Variants in DDX31 observed in about 807,000 individuals in gnomAD.
DDX31 encodes the protein DEAD-box helicase 31.
A neutral mutation model predicts 91.3 loss-of-function variants in DDX31; 70 were observed. That is an observed-to-expected ratio of 0.77 (90% confidence interval 0.63 to 0.94). The LOEUF is 0.94. DDX31 is among the 40% of genes least tolerant of loss of function. DDX31 has a pLI of 0.00. For synonymous variants in DDX31, 362 were observed against 350.6 expected (o/e 1.03, Z -0.36); for missense variants, 902 against 925.0 (o/e 0.98, Z 0.32).
At chr9:132,628,140 A>G (rs1832508387) in intron 16 of DDX31, among the ~76,000 whole-genome samples, 1 of 152,266 alleles carries the variant, frequency 6.6e-6, no homozygotes, top group Non-Finnish European at 1.5e-5. Context: ...CTGCAACGTA[A>G]TAACCCAGAT....
intron 17 of DDX31, among the ~76,000 whole-genome samples, chr9:132,624,007 A>T (rs1832223382): frequency 6.6e-6 from 1 of 151,968 alleles, no homozygotes; most frequent in Non-Finnish European, 1.5e-5. Flanking sequence ...TCTACTAAAA[A>T]TACGAAAAAA....
At chr9:132,616,020 G>A (rs879575842) in intron 18 of DDX31, among the ~76,000 whole-genome samples, 5 of 152,238 alleles carry the variant, frequency 3.3e-5, no homozygotes, top group Non-Finnish European at 5.9e-5. Context: ...TATGCAGATT[G>A]AAATGCAAAA....
chr9:132,630,381 G>A lies in DDX31; in HGVS notation c.1514C>T (p.Ala505Val), dbSNP rs777172373. 6.2e-7 allele frequency: 1 copy of A among 1,601,294 alleles called. No homozygotes were observed. Among genetic ancestry groups the A allele is most frequent in the Admixed American group, 1.7e-5 (1 of 59,800 alleles). ...TCTTCCAATCCGGTGGATGTATTCT[G>A]CAGGTGAAGATGGAGCGTTGTACTA... Reference protein sequence around the residue: ...IVQYNAPSSPAEYIHRIGRTA... With the variant: ...IVQYNAPSSPVEYIHRIGRTA... Residue 505 changes from alanine (A) to valine (V), a missense_variant, in exon 16 of 20, where the codon GCA (alanine) becomes GTA (valine). Transcript: ENST00000372159.
rs796786833 is a variant in DDX31, at chr9:132,638,658, A to T, written c.1440+3346T>A. On this transcript the variant is annotated intron_variant, in intron 14 of 19. Transcript: ENST00000372159. ...AGCCACACCTTCATTGAACAGCCACATTACACAAAGCCACATTATCAGGAC... is the reference window on the plus strand; with the variant it reads ...AGCCACACCTTCATTGAACAGCCACTTTACACAAAGCCACATTATCAGGAC... Among the ~76,000 whole-genome samples, 10 of 152,332 alleles carry T rather than the reference A, an allele frequency of 6.6e-5. 1 individual carries two copies. The highest frequency in any genetic ancestry group is 2.4e-4 in the African/African-American group (10 of 41,576).
chr9:132,598,488 C>A (rs566440802), intron 19 of DDX31, among the ~76,000 whole-genome samples: 1 of 152,326 alleles, frequency 6.6e-6, no homozygotes, highest in South Asian at 2.1e-4. Context: ...TAAACCCCCC[C>A]TCAGTTACCA....
At chr9:132,603,544 T>C (rs1467247396) in intron 19 of DDX31, among the ~76,000 whole-genome samples, 3 of 152,144 alleles carry the variant, frequency 2.0e-5, no homozygotes, top group Admixed American at 6.5e-5. Flanking sequence ...AGGGGAGACC[T>C]GGGGGACTGT....
At chr9:132,624,796 T>A (rs911236888) in intron 17 of DDX31, among the ~76,000 whole-genome samples, 3 of 152,222 alleles carry the variant, frequency 2.0e-5, no homozygotes, top group Non-Finnish European at 4.4e-5. Context: ...TTTCCTTAGA[T>A]GCTCTCTAAA....
intron 13 of DDX31, among the ~76,000 whole-genome samples, 159 bp downstream of exon 13, chr9:132,645,736 T>C (rs957671095): frequency 6.6e-5 from 10 of 152,286 alleles, no homozygotes; most frequent in Admixed American, 5.9e-4. Flanking sequence ...CTAGTTTCAG[T>C]GGGTCACCCA....
intron 19 of DDX31, among the ~76,000 whole-genome samples, chr9:132,597,324 C>T (rs765953121): frequency 7.2e-5 from 11 of 152,126 alleles, no homozygotes; most frequent in Non-Finnish European, 1.6e-4. Flanking sequence ...TGCGGTTGGG[C>T]GCACTCAACT....
intron 1 of DDX31, among the ~76,000 whole-genome samples, chr9:132,664,332 A>T (rs2130857628): frequency 6.6e-6 from 1 of 152,288 alleles, no homozygotes; most frequent in Admixed American, 6.5e-5. Flanking sequence ...GTCACCCTTT[A>T]TTCCTATGTC....
In DDX31 at chr9:132,668,568, GC is replaced by G. The variant is rs1306088399; in HGVS notation, c.75+1291del. 5.4e-3 allele frequency among the ~76,000 whole-genome samples: 446 copies of G among 82,490 alleles called. 4 individuals are homozygous for G. The highest frequency in any genetic ancestry group is 0.02 in the African/African-American group (427 of 21,842). The allele number at this position is 82,490 out of a possible 152,430, so 54.1% of individuals were successfully genotyped here. A position where few individuals can be genotyped will look rare whatever the true frequency, so the allele number is the denominator to read the frequency against. On this transcript the variant is annotated intron_variant, in intron 1 of 19. Coordinates refer to ENST00000372159, the MANE Select transcript of DDX31 (RefSeq NM_022779.9). ...ATGTGCCCAAGGTGGTCGGGGTGCA[GC>G]TTTTTTTTTTTTTTTTGAGACGGAG...
intron 1 of DDX31, among the ~76,000 whole-genome samples, chr9:132,667,460 G>T (rs373749893): frequency 6.6e-6 from 1 of 151,870 alleles, no homozygotes; most frequent in Non-Finnish European, 1.5e-5. Flanking sequence ...AAAATTAGCC[G>T]GGTGTGGTGG....
chr9:132,661,186 AAG>A lies in DDX31; in HGVS notation c.452+20_452+21del. ...ATACCCACGTAATGCCTAAGAAATC[AAG>A]AGGAGCCTGAAGTTCTTACCTGGTC... On this transcript the variant is annotated intron_variant, in intron 4 of 19. Transcript: ENST00000372159. 29 of 1,606,122 alleles carry A rather than the reference AAG, an allele frequency of 1.8e-5. No homozygotes were observed. The highest frequency in any genetic ancestry group is 2.5e-5 in the Non-Finnish European group (29 of 1,173,848).
chr9:132,622,360 A>T (rs1004850018), intron 17 of DDX31, among the ~76,000 whole-genome samples: 2 of 148,364 alleles, frequency 1.3e-5, no homozygotes, highest in African/African-American at 4.9e-5. Flanking sequence ...AGCCAGGGAA[A>T]GTCTTAAGGA....
chr9:132,657,948 A>G (rs186472057), intron 6 of DDX31: 2 of 215,560 alleles, frequency 9.3e-6, no homozygotes, highest in Admixed American at 5.6e-5. Context: ...GCTTATTTTC[A>G]TATTTACTGT....
rs1832085524 is a variant in DDX31, at chr9:132,622,400, G to A, written c.1713+3264C>T. Among the ~76,000 whole-genome samples, 3 of 152,162 alleles carry A rather than the reference G, an allele frequency of 2.0e-5. No homozygotes were observed. In the South Asian group the frequency reaches 6.2e-4, roughly 32 times the overall value. ...AATTTATGCTGCAAGGCCACAGAAG[G>A]GCAGATGCTACCAAAAAAAAACGAC... On this transcript the variant is annotated intron_variant, in intron 17 of 19. Transcript: ENST00000372159.
intron 14 of DDX31, chr9:132,638,119 G>A: frequency 7.2e-7 from 1 of 1,379,406 alleles, no homozygotes; most frequent in South Asian, 1.7e-5. Context: ...GATGCCAAGG[G>A]ACAGTTGGCG....
chr9:132,632,260 A>ACACACACACACAGTCCTG (rs1832818610), intron 14 of DDX31, among the ~76,000 whole-genome samples, 169 bp from the exon 15 acceptor site: 1 of 115,926 alleles, frequency 8.6e-6, no homozygotes, highest in Admixed American at 8.7e-5. Flanking sequence ...ACACACACAC[A>ACACACACACACAGTCCTG]CACACACACA....
intron 14 of DDX31, among the ~76,000 whole-genome samples, chr9:132,634,181 G>A (rs1028588893): frequency 1.3e-5 from 2 of 152,094 alleles, no homozygotes; most frequent in Non-Finnish European, 2.9e-5. Context: ...TTTTCTCTTT[G>A]TGTTTGGCTT....
Sources: allele counts gnomAD v4.1 joint callset (sites outside exome capture counted in the v4.1 genomes callset), GRCh38; gene constraint gnomAD v4.1.1; transcripts MANE v1.5; gene names NCBI Gene and HGNC (gene_info 2026-07-23, HGNC 2026-07-21).